Variants in AGPAT4 observed in about 807,000 individuals in gnomAD.
The protein encoded by AGPAT4 is 1-acylglycerol-3-phosphate O-acyltransferase 4.
In AGPAT4, 15 loss-of-function variants were observed where a neutral mutation model predicts 48.0. That is an observed-to-expected ratio of 0.31 (90% confidence interval 0.21 to 0.48). AGPAT4 has a LOEUF of 0.48. AGPAT4 is among the 20% of genes least tolerant of loss of function. AGPAT4 has a pLI of 0.99. For synonymous variants in AGPAT4, 178 were observed against 198.7 expected (o/e 0.90, Z 0.88); for missense variants, 314 against 482.5 (o/e 0.65, Z 3.27).
chr6:161,260,157 G>A (rs535258133), intron 1 of AGPAT4, among the ~76,000 whole-genome samples: 56 of 152,240 alleles, frequency 3.7e-4, no homozygotes, highest in African/African-American at 1.2e-3. Context: ...TACTCCCACC[G>A]CACATGGGAG....
chr6:161,183,319 T>C (rs1178478282), intron 2 of AGPAT4, among the ~76,000 whole-genome samples: 1 of 151,894 alleles, frequency 6.6e-6, no homozygotes, highest in African/African-American at 2.4e-5. Flanking sequence ...CACATAACTA[T>C]AGAAAGTGCT....
chr6:161,245,178 G>A lies in AGPAT4; in HGVS notation c.-89-12876C>T, dbSNP rs892118640. Among the ~76,000 whole-genome samples, 4 of 152,214 alleles carry A rather than the reference G, an allele frequency of 2.6e-5. No individual in the cohort carries two copies. The highest frequency in any genetic ancestry group is 9.6e-5 in the African/African-American group (4 of 41,456). ...CAGCAGGGGAGGTAGCCAGTATTTA[G>A]AGTCAGGGGACCTGAGTGTGATTCT... On this transcript the variant is annotated intron_variant, in intron 1 of 8. Coordinates refer to ENST00000320285, the MANE Select transcript of AGPAT4 (RefSeq NM_020133.3). The surrounding 1 kb of genome is among the most constrained non-coding windows in gnomAD (Gnocchi z 5.2).
intron 2 of AGPAT4, among the ~76,000 whole-genome samples, chr6:161,179,859 T>C (rs1013106883): frequency 6.6e-6 from 1 of 152,268 alleles, no homozygotes; most frequent in African/African-American, 2.4e-5. Flanking sequence ...GTTAATCAAC[T>C]GTTTGTTATT....
In AGPAT4 at chr6:161,197,292, A is replaced by G. The variant is rs1207086326; in HGVS notation, c.179-30875T>C. Among the ~76,000 whole-genome samples, 1 of 152,210 alleles carries G rather than the reference A, an allele frequency of 6.6e-6. No homozygotes were observed. The highest frequency in any genetic ancestry group is 1.9e-4 in the East Asian group (1 of 5,196). On this transcript the variant is annotated intron_variant, in intron 2 of 8. Transcript: ENST00000320285. The surrounding 1 kb of genome is among the most constrained non-coding windows in gnomAD (Gnocchi z 5.7). ...GCCCTGACCTTGCACTGCTAGGGAC[A>G]TTAAAGAACTAGCGTTCCATAAAAC...
In AGPAT4 at chr6:161,164,195, G is replaced by A. The variant is rs1780025488; in HGVS notation, c.348+2053C>T. ...TGCTGAGATTAAATTCCCGCTCCGT[G>A]AATGTCTCTTCCCGTCTGGGGGCTA... On this transcript the variant is annotated intron_variant, in intron 3 of 8. Transcript: ENST00000320285. This position sits in a 1 kb window ranked among gnomAD's most constrained non-coding sequence, Gnocchi z 7.4. Among the ~76,000 whole-genome samples the A allele has an allele frequency of 6.6e-6, 1 of 152,184 alleles. No homozygotes were observed. Among genetic ancestry groups the A allele is most frequent in the African/African-American group, 2.4e-5 (1 of 41,444 alleles).
rs1466269625 is a variant in AGPAT4, at chr6:161,254,970, T to G, written c.-90+18968A>C. ...ACTTCGCGAAGAAAAAGCCTCAAACTGCAGAACACACCCGGCAAGCTGTTC... is the reference window on the plus strand; with the variant it reads ...ACTTCGCGAAGAAAAAGCCTCAAACGGCAGAACACACCCGGCAAGCTGTTC... On this transcript the variant is annotated intron_variant, in intron 1 of 8. Transcript: ENST00000320285. This position sits in a 1 kb window ranked among gnomAD's most constrained non-coding sequence, Gnocchi z 5.9. Among the ~76,000 whole-genome samples, 2 of 152,140 alleles carry G rather than the reference T, an allele frequency of 1.3e-5. No homozygotes were observed. The highest frequency in any genetic ancestry group is 4.8e-5 in the African/African-American group (2 of 41,426).
chr6:161,213,300 C>G (rs1401691057), intron 2 of AGPAT4, among the ~76,000 whole-genome samples: 1 of 152,036 alleles, frequency 6.6e-6, no homozygotes, highest in Non-Finnish European at 1.5e-5. Flanking sequence ...AATAATTAGG[C>G]CAAGTATAAT....
Position 161,251,053 on chromosome 6 carries a change from C to T in AGPAT4, c.-89-18751G>A, listed in dbSNP as rs935720769. Among the ~76,000 whole-genome samples, 2 of 152,138 alleles carry T rather than the reference C, an allele frequency of 1.3e-5. No individual in the cohort carries two copies. Among genetic ancestry groups the T allele is most frequent in the African/African-American group, 2.4e-5 (1 of 41,424 alleles). Reference sequence around the variant, plus strand: ...CTTAGCTTATTGGAGGTTTAAATTACGATGAAGTAAGAACTGTAATTTCTT... The same window carrying T: ...CTTAGCTTATTGGAGGTTTAAATTATGATGAAGTAAGAACTGTAATTTCTT... On this transcript the variant is annotated intron_variant, in intron 1 of 8. Transcript: ENST00000320285. This position sits in a 1 kb window ranked among gnomAD's most constrained non-coding sequence, Gnocchi z 4.6.
intron 2 of AGPAT4, among the ~76,000 whole-genome samples, chr6:161,199,786 T>G (rs1781174473): frequency 6.6e-6 from 1 of 152,210 alleles, no homozygotes; most frequent in Admixed American, 6.5e-5. Context: ...CCCCTACGTC[T>G]TCCGCCATGA....
rs545228656 is a variant in AGPAT4 at position 161,245,094 on chromosome 6, T to C, written c.-89-12792A>G. 1.5e-4 allele frequency among the ~76,000 whole-genome samples: 23 copies of C among 152,282 alleles called. No individual in the cohort carries two copies. The South Asian group carries it at 4.8e-3, about 32-fold the overall frequency. ...TTGCAGTGGCCTATGCCAACCAGGG[T>C]AGAAACCTCCTTGGGAATCGAGAAA... On this transcript the variant is annotated intron_variant, in intron 1 of 8. Transcript: ENST00000320285. The surrounding 1 kb of genome is among the most constrained non-coding windows in gnomAD (Gnocchi z 5.2).
In AGPAT4 at chr6:161,219,872, TAGGCAGGCAGGCAGGC is replaced by T. The variant is rs554610151; in HGVS notation, c.178+12148_178+12163del. On this transcript the variant is annotated intron_variant, in intron 2 of 8. Transcript: ENST00000320285. This position sits in a 1 kb window ranked among gnomAD's most constrained non-coding sequence, Gnocchi z 4.9. ...ATAGATAGATAGATAGATAGATAGA[TAGGCAGGCAGGCAGGC>T]AGGCAGGCAGGCAGGCAGGCAGGCA... is the stretch of plus-strand genomic sequence containing the variant. Among the ~76,000 whole-genome samples, 16 of 121,236 alleles carry T rather than the reference TAGGCAGGCAGGCAGGC, an allele frequency of 1.3e-4. No individual in the cohort carries two copies. The highest frequency in any genetic ancestry group is 4.7e-4 in the East Asian group (2 of 4,212). The allele number at this position is 121,236 out of a possible 152,430, so 79.5% of individuals were successfully genotyped here.
rs1052942563 is a variant in AGPAT4, at chr6:161,208,527, C to T, written c.178+23509G>A. On this transcript the variant is annotated intron_variant, in intron 2 of 8. Transcript: ENST00000320285. This position sits in a 1 kb window ranked among gnomAD's most constrained non-coding sequence, Gnocchi z 4.6. ...CAAAGTTTAAGACAAAACCCAATAACGCATATGATAACCACTGTCTCCTTA... is the reference window on the plus strand; with the variant it reads ...CAAAGTTTAAGACAAAACCCAATAATGCATATGATAACCACTGTCTCCTTA... 1.1e-4 allele frequency among the ~76,000 whole-genome samples: 17 copies of T among 151,578 alleles called. No homozygotes were observed. Among genetic ancestry groups the T allele is most frequent in the East Asian group, 3.9e-4 (2 of 5,168 alleles).
In AGPAT4 at chr6:161,134,985, A is replaced by T. The variant is rs966764969; in HGVS notation, c.*1555T>A. ...TCCCTTTTTCACTTCTGTGGATTCA[A>T]ATAATTCATTTGTATCAACAAACAA... On this transcript the variant is annotated 3_prime_UTR_variant, in exon 9 of 9. Transcript: ENST00000320285. 1 of 112,000 alleles carries T rather than the reference A, an allele frequency of 8.9e-6. No individual in the cohort carries two copies. The highest frequency in any genetic ancestry group is 1.8e-5 in the Non-Finnish European group (1 of 54,994). The allele number at this position is 112,000 out of a possible 1,614,324, so 6.9% of individuals were successfully genotyped here. A position where few individuals can be genotyped will look rare whatever the true frequency, so the allele number is the denominator to read the frequency against.
At chr6:161,168,113 C>A (rs796260431) in intron 2 of AGPAT4, among the ~76,000 whole-genome samples, 11 of 141,316 alleles carry the variant, frequency 7.8e-5, no homozygotes, top group African/African-American at 3.2e-4. Context: ...GTTGTGGGGG[C>A]AGGAAGGCGG....
Position 161,217,855 on chromosome 6 carries a change from C to T in AGPAT4, c.178+14181G>A, listed in dbSNP as rs937817962. On this transcript the variant is annotated intron_variant, in intron 2 of 8. Coordinates refer to ENST00000320285, the MANE Select transcript of AGPAT4 (RefSeq NM_020133.3). The surrounding 1 kb of genome is among the most constrained non-coding windows in gnomAD (Gnocchi z 4.9). ...GCAGCACAGCTGGTGCCTCTGCTCC[C>T]GCGGGGCCCTGCACACACCAGCTCT... is the stretch of plus-strand genomic sequence containing the variant. 6.7e-5 allele frequency among the ~76,000 whole-genome samples: 10 copies of T among 148,366 alleles called. No homozygotes were observed. Among genetic ancestry groups the T allele is most frequent in the African/African-American group, 2.5e-5 (1 of 39,266 alleles).
chr6:161,253,672 T>C (rs1431876196), intron 1 of AGPAT4, among the ~76,000 whole-genome samples: 1 of 152,210 alleles, frequency 6.6e-6, no homozygotes, highest in Non-Finnish European at 1.5e-5. Context: ...AGATTGAAAT[T>C]CATGTTTCCT....
At chr6:161,260,092 GC>G (rs1783056757) in intron 1 of AGPAT4, among the ~76,000 whole-genome samples, 1 of 152,182 alleles carries the variant, frequency 6.6e-6, no homozygotes, top group South Asian at 2.1e-4. Flanking sequence ...GTGGGATCCA[GC>G]AGCCTCTCAC....
chr6:161,194,516 ATG>A (rs199787842), intron 2 of AGPAT4, among the ~76,000 whole-genome samples: 33 of 150,020 alleles, frequency 2.2e-4, no homozygotes, highest in South Asian at 6.3e-4. Flanking sequence ...ATGTAAGTAT[ATG>A]TGTGTGTCTG....
intron 2 of AGPAT4, among the ~76,000 whole-genome samples, chr6:161,213,457 G>C (rs1781569126): frequency 6.6e-6 from 1 of 151,990 alleles, no homozygotes; most frequent in Non-Finnish European, 1.5e-5. Flanking sequence ...CTACAGTTTG[G>C]ACTGAATTCT....
Sources: gnomAD v4.1 joint callset for allele counts (sites outside exome capture counted in the v4.1 genomes callset) on GRCh38, gnomAD v4.1.1 for gene constraint, Gnocchi (gnomAD v3.1) non-coding constraint, MANE v1.5 for transcripts, NCBI Gene and HGNC (gene_info 2026-07-23, HGNC 2026-07-21) for gene names.